The following DYM variants were observed in gnomAD, a reference collection of about 807,000 sequenced individuals.
DYM encodes the protein dymeclin, also known as dyggve-Melchior-Clausen syndrome protein.
A neutral mutation model predicts 93.1 loss-of-function variants in DYM; 78 were observed. The observed-to-expected ratio is 0.84, with a 90% CI of 0.70 to 1.01. The LOEUF is 1.01. Ranked by LOEUF, DYM falls within the 50% of genes least tolerant of loss-of-function variation. The pLI, the probability that DYM is intolerant of heterozygous loss-of-function variation, is 0.00. For synonymous variants in DYM, 321 were observed against 319.7 expected (o/e 1.00, Z -0.04); for missense variants, 789 against 845.0 (o/e 0.93, Z 0.82).
At chr18:49,240,707 G>A (rs1012674569) in intron 13 of DYM, among the ~76,000 whole-genome samples, 3 of 152,054 alleles carry the variant, frequency 2.0e-5, no homozygotes, top group East Asian at 1.9e-4. Context: ...ATGTTCTTTC[G>A]TGTAAAAATG....
At chr18:49,080,116 C>CG (rs2077706459) in intron 17 of DYM, among the ~76,000 whole-genome samples, 2 of 62,140 alleles carry the variant, frequency 3.2e-5, no homozygotes, top group African/African-American at 9.3e-5. Context: ...GGGGGGCTGA[C>CG]CCCCCCACCT....
chr18:49,290,943 C>T (rs897401101), intron 8 of DYM, among the ~76,000 whole-genome samples: 1 of 152,036 alleles, frequency 6.6e-6, no homozygotes, highest in African/African-American at 2.4e-5. Flanking sequence ...ACCAACTCCC[C>T]CAAAAATGTG....
chr18:49,113,081 T>G (rs2081575853), intron 16 of DYM, among the ~76,000 whole-genome samples: 1 of 152,196 alleles, frequency 6.6e-6, no homozygotes, highest in Admixed American at 6.5e-5. Context: ...TTATATTGCA[T>G]TGGTTTTTGC....
At chr18:49,317,023 T>C (rs552469252) in intron 8 of DYM, among the ~76,000 whole-genome samples, 1 of 152,336 alleles carries the variant, frequency 6.6e-6, no homozygotes, top group South Asian at 2.1e-4. Flanking sequence ...CTGAGTACTG[T>C]ACAACACAAA....
At chr18:49,243,818 G>A (rs2094097294) in intron 13 of DYM, among the ~76,000 whole-genome samples, 1 of 152,030 alleles carries the variant, frequency 6.6e-6, no homozygotes, top group South Asian at 2.1e-4. Context: ...TCTCTGATTG[G>A]CTTATGTACT....
At chr18:49,242,863 CTAATTT>C (rs2144749550) in intron 13 of DYM, among the ~76,000 whole-genome samples, 1 of 152,252 alleles carries the variant, frequency 6.6e-6, no homozygotes, top group African/African-American at 2.4e-5. Flanking sequence ...CCACGCCCGG[CTAATTT>C]TTTTGTATTT....
At chr18:49,050,150 G>A (rs1248811376) in intron 17 of DYM, among the ~76,000 whole-genome samples, 1 of 148,026 alleles carries the variant, frequency 6.8e-6, no homozygotes, top group East Asian at 2.1e-4. Flanking sequence ...GCAATGGCGC[G>A]ATCTCGGCTC....
At chr18:49,073,566 G>T (rs1427915179) in intron 17 of DYM, among the ~76,000 whole-genome samples, 4 of 152,094 alleles carry the variant, frequency 2.6e-5, no homozygotes, top group Non-Finnish European at 5.9e-5. Context: ...AACAAAATCT[G>T]AAACGAGTGA....
chr18:49,223,560 G>A (rs1005106209), intron 13 of DYM, among the ~76,000 whole-genome samples: 1 of 152,042 alleles, frequency 6.6e-6, no homozygotes, highest in Non-Finnish European at 1.5e-5. Context: ...GTGAATATGG[G>A]TTTTGAATCA....
rs1350272025 is a variant in DYM at position 49,243,275 on chromosome 18, G to A, written c.1460+13735C>T. 5.3e-5 allele frequency among the ~76,000 whole-genome samples: 8 copies of A among 152,232 alleles called. No homozygotes were observed. The East Asian group carries it at 1.5e-3, about 29-fold the overall frequency. On this transcript the variant is annotated intron_variant, in intron 13 of 17. Transcript: ENST00000675505. ...TCTATGGTGTGAATTGCCAATGCCT[G>A]GAGATGTCTGACACATGGTAGCCAC...
chr18:49,195,175 C>G (rs774914184), intron 14 of DYM, among the ~76,000 whole-genome samples: 3 of 152,140 alleles, frequency 2.0e-5, no homozygotes, highest in Admixed American at 2.0e-4. Context: ...TTTCCCAACA[C>G]TTTATTCTTA....
At chr18:49,452,612 C>A (rs2082618187) in intron 1 of DYM, among the ~76,000 whole-genome samples, 1 of 152,102 alleles carries the variant, frequency 6.6e-6, no homozygotes, top group Non-Finnish European at 1.5e-5. Context: ...ATCTACAATC[C>A]CTCAGCTAGA....
chr18:49,142,656 G>T (rs1357901825), intron 15 of DYM, among the ~76,000 whole-genome samples: 2 of 152,134 alleles, frequency 1.3e-5, no homozygotes, highest in Non-Finnish European at 1.5e-5. Flanking sequence ...TGAATCTCCA[G>T]TAGAGAAAGG....
chr18:49,316,148 G>A (rs909417051), intron 8 of DYM, among the ~76,000 whole-genome samples: 1 of 152,034 alleles, frequency 6.6e-6, no homozygotes, highest in Non-Finnish European at 1.5e-5. Context: ...CGGGCGTGGC[G>A]GCGCATGCCT....
intron 15 of DYM, among the ~76,000 whole-genome samples, chr18:49,140,559 C>T (rs137966274): frequency 2.2e-4 from 33 of 152,130 alleles, no homozygotes; most frequent in Non-Finnish European, 3.7e-4. Flanking sequence ...AAATCTGATA[C>T]GAATTTTAAA....
chr18:49,226,768 A>G (rs906388243), intron 13 of DYM, among the ~76,000 whole-genome samples: 2 of 152,188 alleles, frequency 1.3e-5, no homozygotes, highest in Admixed American at 1.3e-4. Context: ...GAAATGGTGG[A>G]TGGACAGAGC....
intron 17 of DYM, among the ~76,000 whole-genome samples, chr18:49,084,156 C>G (rs1052850068): frequency 6.6e-6 from 1 of 152,134 alleles, no homozygotes; most frequent in African/African-American, 2.4e-5. Context: ...AGCCGCATCT[C>G]ACAAATTTTG....
At chr18:49,297,066 G>C (rs76324101) in intron 8 of DYM, among the ~76,000 whole-genome samples, 1,526 of 152,196 alleles carry the variant, frequency 0.01, 43 homozygotes, top group South Asian at 0.075. Context: ...TTTTATATTT[G>C]CTATTTAAAG....
At chr18:49,312,042 A>T (rs1218102004) in intron 8 of DYM, among the ~76,000 whole-genome samples, 2 of 152,134 alleles carry the variant, frequency 1.3e-5, no homozygotes, top group Non-Finnish European at 1.5e-5. Context: ...GGCCATCTTT[A>T]TCTCTAGGAA....
Sources: gnomAD v4.1 joint callset for allele counts (sites outside exome capture counted in the v4.1 genomes callset) on GRCh38, gnomAD v4.1.1 for gene constraint, MANE v1.5 for transcripts, NCBI Gene and HGNC (gene_info 2026-07-23, HGNC 2026-07-21) for gene names.